Variants in CCDC14 observed in about 807,000 individuals in gnomAD.
The protein encoded by CCDC14 is coiled-coil domain-containing protein 14.
A neutral mutation model predicts 81.4 loss-of-function variants in CCDC14; 71 were observed. The ratio of observed to expected loss-of-function variants is 0.87; its 90% CI spans 0.72 to 1.06. The LOEUF is 1.06. CCDC14 is among the 50% of genes least tolerant of loss of function. The pLI is 0.00. For missense variants in CCDC14, 1,046 were observed against 1,047.3 expected (o/e 1.00, Z 0.02); for synonymous variants, 332 against 364.8 (o/e 0.91, Z 1.03).
chr3:123,898,864 G>GT (rs869113689), intron 5 of CCDC14, among the ~76,000 whole-genome samples: 1 of 125,568 alleles, frequency 8.0e-6, no homozygotes, highest in East Asian at 3.6e-4. Flanking sequence ...ATTTTTGTAG[G>GT]TTTTTTTGTT....
chr3:123,902,883 T>C (rs1451159755), intron 5 of CCDC14, among the ~76,000 whole-genome samples: 3 of 152,164 alleles, frequency 2.0e-5, no homozygotes, highest in Non-Finnish European at 4.4e-5. Flanking sequence ...ACATGTGCCA[T>C]GGTGGTTTGC....
chr3:123,908,423 CA>C (rs972115957), downstream of CCDC14, among the ~76,000 whole-genome samples: 2 of 152,110 alleles, frequency 1.3e-5, no homozygotes, highest in Non-Finnish European at 1.5e-5. Flanking sequence ...GAATGAAGGT[CA>C]CATAACACAT....
Position 123,915,650 on chromosome 3 carries a change from C to G in CCDC14, c.1847G>C (p.Gly616Ala). Residue 616 changes from glycine (G) to alanine (A), a missense_variant, in exon 13 of 13, where the codon GGG (glycine) becomes GCG (alanine). Physicochemically the swap from Gly to Ala is moderately conservative, Grantham distance 60 (BLOSUM62 0). Coordinates refer to ENST00000409697, the MANE Select transcript of CCDC14 (RefSeq NM_001366335.1). The part of the protein sequence containing the change: ...LSVDSARCKP[G>A]NNLTKSLLNI... Reference sequence around the variant, plus strand: ...CAAGAGTGATTTGGTAAGGTTATTCCCAGGCTTGCAGCGAGCACTGTCCAC... The same window carrying G: ...CAAGAGTGATTTGGTAAGGTTATTCGCAGGCTTGCAGCGAGCACTGTCCAC... 1 of 1,613,886 alleles carries G rather than the reference C, an allele frequency of 6.2e-7. No homozygotes were observed.
In CCDC14 at chr3:123,949,067, C is replaced by G. The variant is rs540963692; in HGVS notation, c.418G>C (p.Asp140His). 6.2e-7 allele frequency: 1 copy of G among 1,613,062 alleles called. No homozygotes were observed. Among genetic ancestry groups the G allele is most frequent in the African/African-American group, 1.3e-5 (1 of 75,004 alleles). The change falls in exon 6 of 13, where the codon GAC becomes CAC. Residue 140 changes from aspartate to histidine, a missense_variant. Coordinates refer to ENST00000409697, the MANE Select transcript of CCDC14 (RefSeq NM_001366335.1). ...ASARSERDTS[D>H]LEQNWSLQDH... ...TGCAATGACCAGTTTTGCTCTAGGT[C>G]TGATGTGTCTCTTTCACTTCTAGCA...
chr3:123,900,263 TG>T (rs1469358689), intron 5 of CCDC14, among the ~76,000 whole-genome samples: 6 of 152,228 alleles, frequency 3.9e-5, no homozygotes, highest in Non-Finnish European at 8.8e-5. Flanking sequence ...GGGAATTTTT[TG>T]TTCTGAATTA....
At position 123,900,971 on chromosome 3, in the gene CCDC14, C is replaced by T. The variant is rs565162176; in HGVS notation, c.668-3358G>A. Among the ~76,000 whole-genome samples the T allele has an allele frequency of 5.3e-5, 8 of 152,092 alleles. No homozygotes were observed. In the South Asian group the frequency reaches 1.2e-3, roughly 24 times the overall value. ...AGAGTAGGCCAGGCGCAGTGGCTCACGCCTGTAATTCCAGCACTTTGGGAG... is the reference window on the plus strand; with the variant it reads ...AGAGTAGGCCAGGCGCAGTGGCTCATGCCTGTAATTCCAGCACTTTGGGAG... On this transcript the variant is annotated intron_variant, in intron 5 of 5. Transcript: ENST00000479903.
At chr3:123,913,378 A>T (rs2034490847), downstream of CCDC14, 7 of 984,090 alleles carry the variant, frequency 7.1e-6, no homozygotes, top group Non-Finnish European at 8.4e-6. Context: ...TTACTTTTGC[A>T]TATGAATAAC....
At chr3:123,905,132 A>C (rs1213871383) in intron 5 of CCDC14, among the ~76,000 whole-genome samples, 1 of 152,174 alleles carries the variant, frequency 6.6e-6, no homozygotes, top group Non-Finnish European at 1.5e-5. Context: ...AGTCTTTCAG[A>C]ACCCACCATG....
chr3:123,912,424 G>A (rs1223689615), downstream of CCDC14, among the ~76,000 whole-genome samples: 1 of 152,060 alleles, frequency 6.6e-6, no homozygotes, highest in African/African-American at 2.4e-5. Flanking sequence ...ACTTAACTAA[G>A]AACTTGACTT....
At chr3:123,951,634 G>GAA (rs2037025596) in intron 5 of CCDC14, among the ~76,000 whole-genome samples, 1 of 151,970 alleles carries the variant, frequency 6.6e-6, no homozygotes, top group Non-Finnish European at 1.5e-5. Context: ...GATTTCCTCT[G>GAA]GTCCTTAAGA....
chr3:123,934,080 C>CT (rs2035909857), intron 9 of CCDC14, among the ~76,000 whole-genome samples: 3 of 151,916 alleles, frequency 2.0e-5, no homozygotes, highest in African/African-American at 7.3e-5. Flanking sequence ...TGAGACTAGC[C>CT]TGGCCAACAT....
chr3:123,891,812 C>A, the CCDC14 span, among the ~76,000 whole-genome samples: 1 of 152,182 alleles, frequency 6.6e-6, no homozygotes, highest in African/African-American at 2.4e-5. Flanking sequence ...TTCAGCAGCA[C>A]CCCACTCTGC....
chr3:123,941,540 T>C (rs902497848), intron 9 of CCDC14, among the ~76,000 whole-genome samples: 3 of 152,192 alleles, frequency 2.0e-5, no homozygotes, highest in African/African-American at 4.8e-5. Context: ...TCTTTCCAAA[T>C]AGATTACCAA....
At chr3:123,941,438 A>C (rs921794780) in intron 9 of CCDC14, among the ~76,000 whole-genome samples, 5 of 152,026 alleles carry the variant, frequency 3.3e-5, no homozygotes, top group Non-Finnish European at 7.4e-5. Context: ...AGGAAAAAAA[A>C]AATACTTCTT....
At chr3:123,905,175 A>G (rs758199875) in intron 5 of CCDC14, among the ~76,000 whole-genome samples, 16 of 152,172 alleles carry the variant, frequency 1.1e-4, no homozygotes, top group Non-Finnish European at 2.1e-4. Flanking sequence ...CAAGTTAATA[A>G]TGGATAACAG....
At chr3:123,926,901 A>G (rs553946398) in intron 12 of CCDC14, among the ~76,000 whole-genome samples, 27 of 152,338 alleles carry the variant, frequency 1.8e-4, no homozygotes, top group Admixed American at 1.6e-3. Context: ...GTGAAGGAGT[A>G]GAAGAGCATG....
Position 123,913,564 on chromosome 3 carries a change from G to A in CCDC14, c.*1215C>T, listed in dbSNP as rs1305324872. 1.0e-6 allele frequency: 1 copy of A among 979,714 alleles called. No individual in the cohort carries two copies. Among genetic ancestry groups the A allele is most frequent in the African/African-American group, 1.8e-5 (1 of 56,802 alleles). The allele number at this position is 979,714 out of a possible 1,614,324, so 60.7% of individuals were successfully genotyped here. ...TGCTAATGGACTCTTGTGTGAAATA[G>A]TTTAGAATTCACTTAATAAATTTTT... is the stretch of plus-strand genomic sequence containing the variant. On this transcript the variant is annotated 3_prime_UTR_variant, in exon 13 of 13. Transcript: ENST00000409697.
At chr3:123,892,081 A>G in the CCDC14 span, among the ~76,000 whole-genome samples, 1 of 152,192 alleles carries the variant, frequency 6.6e-6, no homozygotes, top group Non-Finnish European at 1.5e-5. Flanking sequence ...TCTTGAGAAA[A>G]GCACAGGAAA....
intron 5 of CCDC14, chr3:123,949,385 A>C (rs1014260360): frequency 4.5e-6 from 2 of 443,474 alleles, no homozygotes; most frequent in Non-Finnish European, 8.0e-6. Flanking sequence ...GCTACTTGCC[A>C]TTTGTAAAAT....
Sources: gnomAD v4.1 joint callset for allele counts (sites outside exome capture counted in the v4.1 genomes callset) on GRCh38, gnomAD v4.1.1 for gene constraint, MANE v1.5 for transcripts, NCBI Gene and HGNC (gene_info 2026-07-23, HGNC 2026-07-21) for gene names.